Variants in TUT4 observed in about 807,000 individuals in gnomAD.
TUT4 encodes terminal uridylyl transferase 4.
Under a neutral mutation model 192.2 loss-of-function variants are expected in TUT4, and 36 were observed. That is an observed-to-expected ratio of 0.19 (90% CI 0.14 to 0.25). The LOEUF is 0.25. Among genes scored for constraint, TUT4 ranks in the 10% least tolerant of loss-of-function variants. The pLI is 1.00. For synonymous variants in TUT4, 618 were observed against 666.0 expected (o/e 0.93, Z 1.11); for missense variants, 1,493 against 1,957.2 (o/e 0.76, Z 4.47).
intron 12 of TUT4, among the ~76,000 whole-genome samples, chr1:52,476,755 T>A (rs1182862817): frequency 6.6e-6 from 1 of 152,234 alleles, no homozygotes; most frequent in East Asian, 1.9e-4. Flanking sequence ...AATGTTTGCA[T>A]GTATATTTCA....
At chr1:52,536,771 T>C (rs1488418000) in intron 1 of TUT4, among the ~76,000 whole-genome samples, 1 of 152,140 alleles carries the variant, frequency 6.6e-6, no homozygotes, top group African/African-American at 2.4e-5. Flanking sequence ...GGAGAATCAC[T>C]TGAACCCAGG....
chr1:52,454,961 C>T (rs1660444473), intron 20 of TUT4, among the ~76,000 whole-genome samples: 1 of 152,172 alleles, frequency 6.6e-6, no homozygotes, highest in African/African-American at 2.4e-5. Context: ...AAGATTTCCG[C>T]ATAATGTCAT....
At chr1:52,460,513 G>C (rs1011228697) in intron 19 of TUT4, among the ~76,000 whole-genome samples, 2 of 151,858 alleles carry the variant, frequency 1.3e-5, no homozygotes, top group African/African-American at 2.4e-5. Flanking sequence ...AACAACAATA[G>C]CCTTCCTATT....
At chr1:52,434,284 A>C (rs1158459929) in intron 27 of TUT4, 3 of 152,200 alleles carry the variant, frequency 2.0e-5, no homozygotes, top group Admixed American at 2.0e-4. Flanking sequence ...TAGCATGTTA[A>C]ACGGTTAATG....
At chr1:52,489,399 G>T (rs1363378347) in intron 8 of TUT4, among the ~76,000 whole-genome samples, 1 of 152,128 alleles carries the variant, frequency 6.6e-6, no homozygotes, top group African/African-American at 2.4e-5. Context: ...ATAGTGCAAG[G>T]TAATTTCCTA....
At chr1:52,464,701 T>C (rs1253587323) in intron 16 of TUT4, among the ~76,000 whole-genome samples, 1 of 152,198 alleles carries the variant, frequency 6.6e-6, no homozygotes, top group Non-Finnish European at 1.5e-5. Context: ...CATCATCTAA[T>C]GAAAGAGATA....
At chr1:52,428,833 G>T (rs1455207128) in intron 28 of TUT4, among the ~76,000 whole-genome samples, 1 of 151,830 alleles carries the variant, frequency 6.6e-6, no homozygotes, top group Admixed American at 6.6e-5. Context: ...ACTGAACAAG[G>T]ACTGGGTATT....
At chr1:52,430,636 A>G (rs189896637) in intron 28 of TUT4, among the ~76,000 whole-genome samples, 22 of 152,350 alleles carry the variant, frequency 1.4e-4, no homozygotes, top group Admixed American at 1.3e-3. Flanking sequence ...TAACTCTTCA[A>G]TTTCATCAAC....
chr1:52,487,425 T>C (rs1670074077), intron 9 of TUT4, among the ~76,000 whole-genome samples: 1 of 151,772 alleles, frequency 6.6e-6, no homozygotes, highest in Non-Finnish European at 1.5e-5. Flanking sequence ...CAGCACTAGG[T>C]GACAGAGACC....
intron 28 of TUT4, among the ~76,000 whole-genome samples, chr1:52,429,692 A>C (rs1651395818): frequency 6.6e-6 from 1 of 151,810 alleles, no homozygotes; most frequent in Non-Finnish European, 1.5e-5. Context: ...CCCTGGGTTC[A>C]AGCGATTCTC....
chr1:52,456,411 CAAAAAAA>C (rs1157223640), intron 20 of TUT4, among the ~76,000 whole-genome samples: 22 of 11,992 alleles, frequency 1.8e-3, no homozygotes, highest in East Asian at 4.9e-3. Context: ...GACTGTGTCT[CAAAAAAA>C]AAAAAAAAAA....
Position 52,546,660 on chromosome 1 carries a change from C to G in TUT4, c.-94+6271G>C, listed in dbSNP as rs1452747171. 2.0e-5 allele frequency among the ~76,000 whole-genome samples: 3 copies of G among 152,124 alleles called. No homozygotes were observed. In the East Asian group the frequency reaches 5.8e-4, roughly 29 times the overall value. On this transcript the variant is annotated intron_variant, in intron 1 of 29. Transcript: ENST00000257177. ...GTATTTAATACCACTGAATGATACA[C>G]TTAAAAATCATTAAGATGATATGTT...
intron 2 of TUT4, 30 bp from the exon 3 acceptor site, chr1:52,516,084 A>T (rs1678638743): frequency 1.9e-6 from 3 of 1,564,688 alleles, no homozygotes; most frequent in Non-Finnish European, 2.6e-6. Flanking sequence ...CTCAGTTATC[A>T]TCAGAACTGG....
At chr1:52,545,703 G>A (rs1687886842) in intron 1 of TUT4, among the ~76,000 whole-genome samples, 1 of 151,958 alleles carries the variant, frequency 6.6e-6, no homozygotes, top group Non-Finnish European at 1.5e-5. Flanking sequence ...GCAAGGCTGT[G>A]GAAATATCAG....
intron 1 of TUT4, among the ~76,000 whole-genome samples, chr1:52,538,814 T>C (rs948481616): frequency 2.2e-4 from 34 of 152,302 alleles, no homozygotes; most frequent in African/African-American, 7.0e-4. Flanking sequence ...GGAAAGATAG[T>C]GCAATTCATA....
intron 19 of TUT4, among the ~76,000 whole-genome samples, chr1:52,460,096 G>T (rs1662147200): frequency 6.6e-6 from 1 of 152,158 alleles, no homozygotes; most frequent in Admixed American, 6.5e-5. Flanking sequence ...CTTGTTAGGT[G>T]AATCTAGAAA....
chr1:52,461,517 G>A lies in TUT4; in HGVS notation c.3227C>T (p.Thr1076Met), dbSNP rs556511823. ...GLEGDISLYN[T>M]LAQHNTRMLA... ...GGCCTATAAAGATAAACTTACCAAC[G>A]TATTATATAAACTGATATCGCCTTC... The change falls in exon 18 of 30, where the codon ACG becomes ATG. Residue 1076 changes from threonine to methionine, a missense_variant. Transcript: ENST00000257177. The A allele has an allele frequency of 2.5e-6, 4 of 1,611,186 alleles. No individual in the cohort carries two copies. Among genetic ancestry groups the A allele is most frequent in the South Asian group, 1.1e-5 (1 of 90,650 alleles).
At chr1:52,486,484 C>G (rs1362964667) in intron 9 of TUT4, among the ~76,000 whole-genome samples, 1 of 152,006 alleles carries the variant, frequency 6.6e-6, no homozygotes, top group East Asian at 1.9e-4. Context: ...CTAGAATTGT[C>G]CTGAACCCCC....
intron 1 of TUT4, among the ~76,000 whole-genome samples, chr1:52,541,530 T>C (rs1157296203): frequency 1.4e-5 from 2 of 143,066 alleles, no homozygotes; most frequent in Non-Finnish European, 3.0e-5. Flanking sequence ...AGACTCCGTC[T>C]CAAAAAAAAA....
Sources: gnomAD v4.1 joint callset for allele counts (sites outside exome capture counted in the v4.1 genomes callset) on GRCh38, gnomAD v4.1.1 for gene constraint, MANE v1.5 for transcripts, NCBI Gene and HGNC (gene_info 2026-07-23, HGNC 2026-07-21) for gene names.